The following PREX1 variants were observed in gnomAD, a reference collection of about 807,000 sequenced individuals.
PREX1 encodes phosphatidylinositol-3,4,5-trisphosphate dependent Rac exchange factor 1.
PREX1 carries 41 observed loss-of-function variants against 198.3 expected under a neutral mutation model. The ratio of observed to expected loss-of-function variants is 0.21; its 90% CI spans 0.16 to 0.27. The LOEUF (loss-of-function observed/expected upper bound fraction) is 0.27, where lower values mean the gene tolerates loss of function less well. PREX1 is among the 10% of genes least tolerant of loss of function. The pLI is 1.00. For synonymous variants in PREX1, 843 were observed against 887.2 expected (o/e 0.95, Z 0.89); for missense variants, 1,620 against 2,200.7 (o/e 0.74, Z 5.28).
At chr20:48,764,687 C>G (rs368584842) in intron 1 of PREX1, among the ~76,000 whole-genome samples, 59 of 149,218 alleles carry the variant, frequency 4.0e-4, no homozygotes, top group African/African-American at 1.4e-3. Context: ...AAGGCTGAGG[C>G]GTGAGAATTG....
At chr20:48,756,892 A>G (rs1406884882) in intron 1 of PREX1, among the ~76,000 whole-genome samples, 2 of 152,228 alleles carry the variant, frequency 1.3e-5, no homozygotes, top group Non-Finnish European at 2.9e-5. Flanking sequence ...AAGGCAAATG[A>G]GAAGTAAAGT....
At position 48,760,801 on chromosome 20, in the gene PREX1, C is replaced by T. The variant is rs73909703; in HGVS notation, c.220-12921G>A. ...CTGGAGACACAGATATAAGCCATGA[C>T]CCTGCCACGGAAGGACTTATGCATT... On this transcript the variant is annotated intron_variant, in intron 1 of 39. Transcript: ENST00000371941. Among the ~76,000 whole-genome samples the T allele has an allele frequency of 1.8e-3, 276 of 152,228 alleles. 3 individuals are homozygous for T. The highest frequency in any genetic ancestry group is 6.3e-3 in the African/African-American group (262 of 41,544).
intron 25 of PREX1, among the ~76,000 whole-genome samples, chr20:48,646,408 C>T (rs897636619): frequency 4.6e-5 from 7 of 152,174 alleles, no homozygotes; most frequent in Non-Finnish European, 7.3e-5. Context: ...ATCAGCTGGG[C>T]GCAGTGGTTC....
rs757995581 is a variant in PREX1 at position 48,692,742 on chromosome 20, G to C, written c.966C>G (p.Gly322=). The C allele has an allele frequency of 1.9e-6, 3 of 1,614,018 alleles. No individual in the cohort carries two copies. The highest frequency in any genetic ancestry group is 2.5e-6 in the Non-Finnish European group (3 of 1,180,024). The change falls in exon 8 of 40, where the codon GGC becomes GGG. Residue 322 remains glycine, a synonymous_variant. Transcript: ENST00000371941. The part of the protein sequence containing the change: ...KSTKRTKSIN[G]SLYIFRGRIN... ...TTCGACCCCTGAAGATGTAGAGGGA[G>C]CCGTTGATGGATTTGGTCCTCTTGG...
intron 37 of PREX1, among the ~76,000 whole-genome samples, chr20:48,628,311 C>A (rs766828247): frequency 6.6e-6 from 1 of 152,130 alleles, no homozygotes; most frequent in Non-Finnish European, 1.5e-5. Context: ...CACGACTTGT[C>A]GGCTCCGTGG....
rs561946410 is a variant in PREX1, at chr20:48,666,130, C to A, written c.1738+153G>T. Among the ~76,000 whole-genome samples the A allele has an allele frequency of 6.6e-6, 1 of 152,186 alleles. No homozygotes were observed. Among genetic ancestry groups the A allele is most frequent in the Non-Finnish European group, 1.5e-5 (1 of 68,032 alleles). The stretch of plus-strand genomic sequence containing the variant: ...AAGCCATTTCTCGATCGGTTCAGAA[C>A]GGGAAGGGGAGGGAGGTGGGATTCG... On this transcript the variant is annotated intron_variant, in intron 15 of 39. Coordinates refer to ENST00000371941, the MANE Select transcript of PREX1 (RefSeq NM_020820.4). This position sits in a 1 kb window ranked among gnomAD's most constrained non-coding sequence, Gnocchi z 4.3.
intron 1 of PREX1, among the ~76,000 whole-genome samples, chr20:48,779,251 A>G (rs1456328464): frequency 6.6e-6 from 1 of 152,258 alleles, no homozygotes; most frequent in African/African-American, 2.4e-5. Context: ...GATAGGCAGC[A>G]TCATTAGCGA....
At chr20:48,854,420 C>T in the PREX1 span, among the ~76,000 whole-genome samples, 2 of 152,030 alleles carry the variant, frequency 1.3e-5, no homozygotes, top group Non-Finnish European at 2.9e-5. Flanking sequence ...ACTAGCCAGG[C>T]ACCTGTGGCT....
chr20:48,763,711 G>A (rs541641233), intron 1 of PREX1, among the ~76,000 whole-genome samples: 1 of 152,182 alleles, frequency 6.6e-6, no homozygotes, highest in African/African-American at 2.4e-5. Flanking sequence ...GGCATTCAGG[G>A]CCCAGGCCTC....
chr20:48,876,861 G>C, the PREX1 span, among the ~76,000 whole-genome samples: 2 of 152,084 alleles, frequency 1.3e-5, no homozygotes, highest in Non-Finnish European at 2.9e-5. Flanking sequence ...AGAACCATTG[G>C]GGTATCTGAA....
chr20:48,746,519 A>G (rs2090108111), intron 2 of PREX1, among the ~76,000 whole-genome samples: 1 of 152,158 alleles, frequency 6.6e-6, no homozygotes, highest in Admixed American at 6.5e-5. Flanking sequence ...GGGACACGAA[A>G]GAGCTCACTT....
chr20:48,832,604 C>T (rs927644641), upstream of PREX1, among the ~76,000 whole-genome samples: 1 of 152,104 alleles, frequency 6.6e-6, no homozygotes, highest in Non-Finnish European at 1.5e-5. Context: ...GGAGGCCTCT[C>T]CACCCTTGGA....
At chr20:48,739,549 T>C (rs545228748) in intron 3 of PREX1, among the ~76,000 whole-genome samples, 15 of 152,204 alleles carry the variant, frequency 9.9e-5, no homozygotes, top group Non-Finnish European at 1.9e-4. Flanking sequence ...ATCTGCATTT[T>C]ATGTTCTTCA....
chr20:48,727,450 C>T (rs376914834), intron 4 of PREX1, among the ~76,000 whole-genome samples: 17 of 152,002 alleles, frequency 1.1e-4, no homozygotes, highest in African/African-American at 3.6e-4. Flanking sequence ...GTATTCTCTT[C>T]CCCAATAAAA....
chr20:48,634,099 GATGC>G (rs2089339646), intron 33 of PREX1, among the ~76,000 whole-genome samples: 2 of 126,114 alleles, frequency 1.6e-5, no homozygotes, highest in Non-Finnish European at 1.8e-5. Flanking sequence ...TGGATGGATG[GATGC>G]ATGGATGCCT....
chr20:48,683,688 C>A (rs1030055369), intron 10 of PREX1, among the ~76,000 whole-genome samples: 1 of 152,154 alleles, frequency 6.6e-6, no homozygotes, highest in Non-Finnish European at 1.5e-5. Context: ...TGTTAGAAGA[C>A]GAACGCATCT....
upstream of PREX1, among the ~76,000 whole-genome samples, chr20:48,828,642 T>G (rs972980497): frequency 7.9e-5 from 12 of 152,222 alleles, no homozygotes; most frequent in African/African-American, 2.4e-4. Context: ...TGGCGCGCGC[T>G]CGCTCTCACT....
At chr20:48,729,277 A>G (rs1480993269) in intron 4 of PREX1, among the ~76,000 whole-genome samples, 1 of 152,012 alleles carries the variant, frequency 6.6e-6, no homozygotes, top group African/African-American at 2.4e-5. Context: ...GGGTTTTGCC[A>G]TGTCATCTAG....
At chr20:48,652,457 A>AG (rs1351198728) in intron 21 of PREX1, 129 bp downstream of exon 21, 1 of 1,329,578 alleles carries the variant, frequency 7.5e-7, no homozygotes, top group Non-Finnish European at 1.0e-6. Flanking sequence ...GAAAAAAAAA[A>AG]CAAACCTGCT....
Sources: allele counts gnomAD v4.1 joint callset (sites outside exome capture counted in the v4.1 genomes callset), GRCh38; gene constraint gnomAD v4.1.1; non-coding constraint Gnocchi (gnomAD v3.1); transcripts MANE v1.5; gene names NCBI Gene and HGNC (gene_info 2026-07-23, HGNC 2026-07-21).